BCR: variants seen among roughly 807,000 people sequenced by gnomAD.
BCR encodes breakpoint cluster region protein.
BCR carries 58 observed loss-of-function variants against 138.6 expected under a neutral mutation model. The observed-to-expected ratio is 0.42, with a 90% CI of 0.34 to 0.52. BCR has a LOEUF of 0.52. Among genes scored for constraint, BCR ranks in the 20% least tolerant of loss-of-function variants. BCR has a pLI of 0.06. For synonymous variants in BCR, 786 were observed against 730.1 expected, an observed-to-expected ratio of 1.08 and a Z score of -1.23; for missense variants, 1,599 against 1,727.2, an observed-to-expected ratio of 0.93 and a Z score of 1.32.
intron 1 of BCR, among the ~76,000 whole-genome samples, chr22:23,244,501 C>T (rs959670837): frequency 7.2e-5 from 11 of 152,136 alleles, no homozygotes; most frequent in Non-Finnish European, 1.6e-4. Context: ...TGCTGTCCTT[C>T]CTGGGTCTGT....
At chr22:23,310,070 A>G (rs2073990727) in intron 17 of BCR, 2 of 489,614 alleles carry the variant, frequency 4.1e-6, no homozygotes, top group Non-Finnish European at 7.6e-6. Context: ...TCTAAAAAAA[A>G]GCAAGCAAGC....
At position 23,242,991 on chromosome 22, in the gene BCR, C is replaced by T. The variant is rs758519202; in HGVS notation, c.1280-10808C>T. Reference sequence around the variant, plus strand: ...CCGCCTTCAAATGGCCTCCTGTATGCCTGTGTCTTCTGTCTCTTTAAAGAT... The same window carrying T: ...CCGCCTTCAAATGGCCTCCTGTATGTCTGTGTCTTCTGTCTCTTTAAAGAT... On this transcript the variant is annotated intron_variant, in intron 1 of 22. Coordinates refer to ENST00000305877, the MANE Select transcript of BCR (RefSeq NM_004327.4). 7.4e-5 allele frequency: 31 copies of T among 419,160 alleles called. 1 individual carries two copies. The highest frequency in any genetic ancestry group is 5.3e-4 in the South Asian group (31 of 57,984). The allele number at this position is 419,160 out of a possible 1,614,324, so 26.0% of individuals were successfully genotyped here. A position where few individuals can be genotyped will look rare whatever the true frequency, so the allele number is the denominator to read the frequency against.
chr22:23,227,574 G>A (rs185147300), intron 1 of BCR, among the ~76,000 whole-genome samples: 1 of 152,386 alleles, frequency 6.6e-6, no homozygotes, highest in Non-Finnish European at 1.5e-5. Context: ...ACATTTGTAA[G>A]TCTATTTTCA....
chr22:23,309,512 C>T, intron 17 of BCR, 29 bp downstream of exon 17: 1 of 1,566,254 alleles, frequency 6.4e-7, no homozygotes, highest in Non-Finnish European at 8.7e-7. Flanking sequence ...CTCCTGGTGC[C>T]CACTTCCCCC....
chr22:23,206,564 G>A (rs2072616621), intron 1 of BCR, among the ~76,000 whole-genome samples: 1 of 147,376 alleles, frequency 6.8e-6, no homozygotes, highest in African/African-American at 2.6e-5. Context: ...GCAACATAGC[G>A]AGACTCCGTC....
chr22:23,305,657 C>G (rs1327245929), intron 16 of BCR, among the ~76,000 whole-genome samples: 2 of 152,214 alleles, frequency 1.3e-5, no homozygotes, highest in Admixed American at 6.5e-5. Flanking sequence ...AGGCAGACCT[C>G]TAGGCCACCA....
chr22:23,182,259 T>C lies in BCR; in HGVS notation c.1279+20T>C. On this transcript the variant is annotated intron_variant, in intron 1 of 22. Transcript: ENST00000305877. ...ACGCAGGTGAGTTCCTCACGCCACGTGCGTGGGCACACCTGCACGGGGGAG... is the reference window on the plus strand; with the variant it reads ...ACGCAGGTGAGTTCCTCACGCCACGCGCGTGGGCACACCTGCACGGGGGAG... The C allele has an allele frequency of 1.3e-6, 2 of 1,532,388 alleles. No homozygotes were observed. Among genetic ancestry groups the C allele is most frequent in the Non-Finnish European group, 1.8e-6 (2 of 1,140,514 alleles). 94.9% of individuals were successfully genotyped at this position (1,532,388 alleles called of 1,614,324 possible).
intron 1 of BCR, among the ~76,000 whole-genome samples, chr22:23,232,973 G>A (rs1166793365): frequency 1.3e-5 from 2 of 152,220 alleles, no homozygotes; most frequent in Non-Finnish European, 2.9e-5. Flanking sequence ...CTGCGAGGTG[G>A]GGGATCGCAT....
At chr22:23,187,869 C>T (rs971361745) in intron 1 of BCR, among the ~76,000 whole-genome samples, 2 of 152,194 alleles carry the variant, frequency 1.3e-5, no homozygotes. Flanking sequence ...TGAGACGGGA[C>T]AGATCTTGTG....
intron 16 of BCR, among the ~76,000 whole-genome samples, chr22:23,297,124 A>T (rs545704016): frequency 6.6e-6 from 1 of 151,914 alleles, no homozygotes; most frequent in Non-Finnish European, 1.5e-5. Context: ...TGCAACCTCA[A>T]ACTCCTGGCT....
At chr22:23,267,235 G>C (rs982993422) in intron 4 of BCR, among the ~76,000 whole-genome samples, 38 of 152,224 alleles carry the variant, frequency 2.5e-4, no homozygotes, top group African/African-American at 8.7e-4. Context: ...AGGGAGGAGG[G>C]AAAGAAGGAA....
intron 1 of BCR, among the ~76,000 whole-genome samples, chr22:23,205,354 A>G (rs1268174846): frequency 6.6e-6 from 1 of 152,188 alleles, no homozygotes; most frequent in African/African-American, 2.4e-5. Context: ...GCCTGTCTCA[A>G]GGTGCACTTT....
In BCR at chr22:23,236,339, G is replaced by A. The variant is rs115213089; in HGVS notation, c.1280-17460G>A. ...ACTCTATGACTGAGCAGCACAGGGC[G>A]CCAGGGGATGTTTGTCTGCACTGCT... On this transcript the variant is annotated intron_variant, in intron 1 of 22. Coordinates refer to ENST00000305877, the MANE Select transcript of BCR (RefSeq NM_004327.4). Among the ~76,000 whole-genome samples, 291 of 152,316 alleles carry A rather than the reference G, an allele frequency of 1.9e-3. 1 individual carries two copies. Among genetic ancestry groups the A allele is most frequent in the African/African-American group, 6.3e-3 (263 of 41,564 alleles).
chr22:23,237,086 G>A (rs1230848735), intron 1 of BCR, among the ~76,000 whole-genome samples: 1 of 152,242 alleles, frequency 6.6e-6, no homozygotes, highest in Non-Finnish European at 1.5e-5. Context: ...AGTTCTTGAA[G>A]GAAGGCCTTT....
intron 10 of BCR, among the ~76,000 whole-genome samples, chr22:23,286,601 G>A (rs1261882898): frequency 6.6e-6 from 1 of 152,194 alleles, no homozygotes; most frequent in African/African-American, 2.4e-5. Flanking sequence ...GGGATGGGGT[G>A]GGGCCCTACC....
At chr22:23,201,356 T>A (rs2072551276) in intron 1 of BCR, among the ~76,000 whole-genome samples, 1 of 152,244 alleles carries the variant, frequency 6.6e-6, no homozygotes, top group Non-Finnish European at 1.5e-5. Context: ...TGAGTCCCCA[T>A]TTCCTTGCTG....
intron 16 of BCR, among the ~76,000 whole-genome samples, chr22:23,303,931 CTTTTTTT>C (rs131683): frequency 2.8e-5 from 3 of 106,176 alleles, no homozygotes; most frequent in Non-Finnish European, 5.3e-5. Context: ...TCCTTGTTGC[CTTTTTTT>C]TTTTTTTTTT....
intron 15 of BCR, among the ~76,000 whole-genome samples, chr22:23,293,619 G>C (rs772697560): frequency 6.6e-6 from 1 of 152,096 alleles, no homozygotes; most frequent in East Asian, 1.9e-4. Flanking sequence ...AGAGTGCCAC[G>C]ACCCAGCAGA....
chr22:23,190,463 C>T (rs1445490685), intron 1 of BCR, among the ~76,000 whole-genome samples: 2 of 152,130 alleles, frequency 1.3e-5, no homozygotes, highest in African/African-American at 2.4e-5. Flanking sequence ...CCACTGCACC[C>T]GGCCCAAATT....
Sources: allele counts gnomAD v4.1 joint callset (sites outside exome capture counted in the v4.1 genomes callset), GRCh38; gene constraint gnomAD v4.1.1; transcripts MANE v1.5; gene names NCBI Gene and HGNC (gene_info 2026-07-23, HGNC 2026-07-21).